Variants in ADAMTS17 observed in about 807,000 individuals in gnomAD.
ADAMTS17 encodes A disintegrin and metalloproteinase with thrombospondin motifs 17.
ADAMTS17 carries 113 observed loss-of-function variants against 141.5 expected under a neutral mutation model. The ratio of observed to expected loss-of-function variants is 0.80; its 90% confidence interval spans 0.69 to 0.93. ADAMTS17 has a LOEUF of 0.93. Ranked by LOEUF, ADAMTS17 falls within the 40% of genes least tolerant of loss-of-function variation. ADAMTS17 has a pLI of 0.00. For missense variants in ADAMTS17, 1,659 were observed against 1,517.9 expected (o/e 1.09, Z -1.54); for synonymous variants, 768 against 630.6 (o/e 1.22, Z -3.27).
chr15:100,259,095 A>G (rs1206731026), intron 6 of ADAMTS17, among the ~76,000 whole-genome samples: 1 of 152,252 alleles, frequency 6.6e-6, no homozygotes, highest in Non-Finnish European at 1.5e-5. Flanking sequence ...AAAACACCAG[A>G]AACTATAGAT....
intron 4 of ADAMTS17, among the ~76,000 whole-genome samples, chr15:100,274,037 T>C (rs544431549): frequency 3.9e-5 from 6 of 152,212 alleles, no homozygotes; most frequent in Admixed American, 2.6e-4. Context: ...TTGTTGTCAG[T>C]GATGGTACTT....
intron 4 of ADAMTS17, among the ~76,000 whole-genome samples, chr15:100,265,921 G>A (rs1402421121): frequency 1.3e-5 from 2 of 152,302 alleles, no homozygotes; most frequent in South Asian, 2.1e-4. Context: ...GGTCATCTGT[G>A]TTGAACAGTG....
At chr15:100,082,941 A>G (rs2034852226) in intron 15 of ADAMTS17, among the ~76,000 whole-genome samples, 1 of 152,082 alleles carries the variant, frequency 6.6e-6, no homozygotes, top group African/African-American at 2.4e-5. Context: ...GGCAACCAAA[A>G]TACCAGAATG....
At chr15:100,262,512 T>C in intron 4 of ADAMTS17, 77 bp from the exon 5 acceptor site, 2 of 1,069,572 alleles carry the variant, frequency 1.9e-6, no homozygotes, top group Non-Finnish European at 2.8e-6. Flanking sequence ...AGATGGGAAC[T>C]TGGGACACAG....
chr15:100,141,129 C>T lies in ADAMTS17; in HGVS notation c.1474-7814G>A, dbSNP rs181138983. On this transcript the variant is annotated intron_variant, in intron 10 of 21. Coordinates refer to ENST00000268070, the MANE Select transcript of ADAMTS17 (RefSeq NM_139057.4). Reference sequence around the variant, plus strand: ...CTAGCATTTGTCACCTCACTGGCTACGCTTACGGTTTGTCAAGAGTCATCC... The same window carrying T: ...CTAGCATTTGTCACCTCACTGGCTATGCTTACGGTTTGTCAAGAGTCATCC... 7.6e-4 allele frequency among the ~76,000 whole-genome samples: 116 copies of T among 152,326 alleles called. 1 individual carries two copies. Among genetic ancestry groups the T allele is most frequent in the African/African-American group, 2.5e-3 (103 of 41,580 alleles).
At position 100,330,965 on chromosome 15, in the gene ADAMTS17, G is replaced by A. The variant is rs777273528; in HGVS notation, c.540C>T (p.Ile180=). 11 of 1,614,048 alleles carry A rather than the reference G, an allele frequency of 6.8e-6. No homozygotes were observed. The Admixed American group carries it at 1.2e-4, about 17-fold the overall frequency. ...QGPFSGREHL[I]RRKWSLTPSP... ...TGGGGGTCAAGGACCATTTGCGCCT[G>A]ATCAGATGTTCTCGTCCACTGAATG... The change falls in exon 3 of 22, where the codon ATC becomes ATT. Residue 180 remains isoleucine (I), a synonymous_variant. Transcript: ENST00000268070.
intron 7 of ADAMTS17, among the ~76,000 whole-genome samples, chr15:100,201,205 T>C (rs1057401932): frequency 1.3e-5 from 2 of 152,056 alleles, no homozygotes; most frequent in African/African-American, 4.8e-5. Context: ...GTAATCCCCA[T>C]GTGTCAGGGA....
chr15:99,975,399 G>A (rs1460806035), intron 21 of ADAMTS17, among the ~76,000 whole-genome samples: 2 of 152,020 alleles, frequency 1.3e-5, no homozygotes, highest in African/African-American at 2.4e-5. Context: ...TAGTAGAGAA[G>A]GGGTTTCACC....
intron 20 of ADAMTS17, among the ~76,000 whole-genome samples, chr15:99,983,460 T>A (rs1009039602): frequency 2.0e-5 from 3 of 152,148 alleles, no homozygotes; most frequent in African/African-American, 7.2e-5. Flanking sequence ...CCTACCCTGA[T>A]GACATCCTTC....
chr15:100,049,773 G>C (rs559855508), intron 17 of ADAMTS17, among the ~76,000 whole-genome samples: 1 of 152,282 alleles, frequency 6.6e-6, no homozygotes, highest in African/African-American at 2.4e-5. Flanking sequence ...TAGCATCACA[G>C]TGGCCATAGT....
chr15:100,114,555 C>A (rs537678794), intron 13 of ADAMTS17, among the ~76,000 whole-genome samples: 5 of 152,216 alleles, frequency 3.3e-5, no homozygotes, highest in Non-Finnish European at 5.9e-5. Context: ...CAGGACGTGT[C>A]GAGCTACCTG....
At chr15:100,113,920 C>T (rs990369268) in intron 13 of ADAMTS17, among the ~76,000 whole-genome samples, 4 of 152,208 alleles carry the variant, frequency 2.6e-5, no homozygotes, top group Non-Finnish European at 5.9e-5. Context: ...GGGCCCATGG[C>T]CTGCTGGCCT....
At chr15:100,208,690 T>C (rs1041067922) in intron 7 of ADAMTS17, among the ~76,000 whole-genome samples, 4 of 148,136 alleles carry the variant, frequency 2.7e-5, no homozygotes, top group African/African-American at 9.9e-5. Flanking sequence ...ACACTATCTA[T>C]ATGTAAATTA....
chr15:100,060,993 G>C (rs148543868), intron 15 of ADAMTS17, among the ~76,000 whole-genome samples: 1,953 of 152,290 alleles, frequency 0.013, 20 homozygotes, highest in Middle Eastern at 0.027. Flanking sequence ...CCAGGCCCTG[G>C]AGTCCTGGGA....
chr15:100,262,217 CTCACGCTGG>C, intron 5 of ADAMTS17, 126 bp downstream of exon 5: 1 of 793,504 alleles, frequency 1.3e-6, no homozygotes, highest in African/African-American at 1.7e-5. Flanking sequence ...CGGCTTTCCT[CTCACGCTGG>C]CAAAGCCACA....
chr15:100,005,052 G>T (rs1435989248), intron 18 of ADAMTS17, among the ~76,000 whole-genome samples: 2 of 152,190 alleles, frequency 1.3e-5, no homozygotes, highest in Non-Finnish European at 2.9e-5. Flanking sequence ...CACTACGCCT[G>T]GCTGAAACTG....
intron 8 of ADAMTS17, among the ~76,000 whole-genome samples, chr15:100,162,769 C>T (rs1249333699): frequency 1.4e-5 from 2 of 143,942 alleles, no homozygotes; most frequent in Non-Finnish European, 3.0e-5. Flanking sequence ...GGCACATATA[C>T]ACATATATAT....
In ADAMTS17 at chr15:100,266,853, G is replaced by T. The variant is rs117167779; in HGVS notation, c.790-4418C>A. Reference sequence around the variant, plus strand: ...ATTTGCATGTTGAATGCTGTCTGTCGTTCCTACTGCATGAGCTCCGGAGGA... The same window carrying T: ...ATTTGCATGTTGAATGCTGTCTGTCTTTCCTACTGCATGAGCTCCGGAGGA... On this transcript the variant is annotated intron_variant, in intron 4 of 21. Transcript: ENST00000268070. Among the ~76,000 whole-genome samples, 34 of 152,116 alleles carry T rather than the reference G, an allele frequency of 2.2e-4. No individual in the cohort carries two copies. In the East Asian group the frequency reaches 5.6e-3, roughly 25 times the overall value.
At chr15:100,166,758 A>G (rs566820107) in intron 8 of ADAMTS17, among the ~76,000 whole-genome samples, 2 of 152,344 alleles carry the variant, frequency 1.3e-5, no homozygotes, top group East Asian at 1.9e-4. Flanking sequence ...CTAGAAGGGA[A>G]TAACTTCATG....
Sources: gnomAD v4.1 joint callset for allele counts (sites outside exome capture counted in the v4.1 genomes callset) on GRCh38, gnomAD v4.1.1 for gene constraint, MANE v1.5 for transcripts, NCBI Gene and HGNC (gene_info 2026-07-23, HGNC 2026-07-21) for gene names.